Variants in C18orf32 observed in about 807,000 individuals in gnomAD.
C18orf32 encodes the protein chromosome 18 open reading frame 32.
A neutral mutation model predicts 7.4 loss-of-function variants in C18orf32; 5 were observed. The ratio of observed to expected loss-of-function variants is 0.68; its 90% confidence interval spans 0.35 to 1.42. The LOEUF (loss-of-function observed/expected upper bound fraction) is 1.42. Ranked by LOEUF, C18orf32 falls within the 40% of genes most tolerant of loss-of-function variation. The probability of loss-of-function intolerance (pLI) is 0.04; values close to 1 mark genes in which losing one functional copy is unlikely to be tolerated. For missense variants in C18orf32, 88 were observed against 92.4 expected, an observed-to-expected ratio of 0.95 and a Z score of 0.19; for synonymous variants, 30 against 29.3, an observed-to-expected ratio of 1.02 and a Z score of -0.08.
rs537342847 is a variant in C18orf32 at position 49,479,849 on chromosome 18, T to A, written c.*2496A>T. The stretch of plus-strand genomic sequence containing the variant: ...CAGCTTCCTTGGGCTGAAAGCAGGA[T>A]GAGGGGAGCAGAGACTTGGGAGGGG... On this transcript the variant is annotated 3_prime_UTR_variant, in exon 3 of 3. Coordinates refer to ENST00000318240, the MANE Select transcript of C18orf32 (RefSeq NM_001035005.4). 5 of 152,292 alleles carry A rather than the reference T, an allele frequency of 3.3e-5. No homozygotes were observed. Among genetic ancestry groups the A allele is most frequent in the Admixed American group, 3.3e-4 (5 of 15,258 alleles). 9.4% of individuals were successfully genotyped at this position (152,292 alleles called of 1,614,324 possible).
intron 1 of C18orf32, among the ~76,000 whole-genome samples, chr18:49,485,563 A>G (rs114594828): frequency 2.0e-5 from 3 of 151,866 alleles, no homozygotes; most frequent in Non-Finnish European, 4.4e-5. Flanking sequence ...TCAGAAAAAA[A>G]AAAAATAAAA....
At chr18:49,484,987 G>C (rs1197434436) in intron 1 of C18orf32, among the ~76,000 whole-genome samples, 1 of 151,466 alleles carries the variant, frequency 6.6e-6, no homozygotes, top group Non-Finnish European at 1.5e-5. Context: ...GAGGCTGAGG[G>C]GGAAGAATTG....
At chr18:49,482,530 C>T in intron 2 of C18orf32, 120 bp from the exon 3 acceptor site, 2 of 657,464 alleles carry the variant, frequency 3.0e-6, no homozygotes, top group South Asian at 1.7e-5. Context: ...AGATCGAGAC[C>T]ATCCTGGCTG....
rs540795987 is a variant in C18orf32, at chr18:49,480,330, G to A, written c.*2015C>T. ...GAGACCCTGTCTCAAAAAATAAAAT[G>A]TTTATATTTTTATATTTTTATAATT... On this transcript the variant is annotated 3_prime_UTR_variant, in exon 3 of 3. Coordinates refer to ENST00000318240, the MANE Select transcript of C18orf32 (RefSeq NM_001035005.4). 1.6e-4 allele frequency: 24 copies of A among 151,090 alleles called. No homozygotes were observed. The highest frequency in any genetic ancestry group is 5.3e-4 in the African/African-American group (22 of 41,208). 9.4% of individuals were successfully genotyped at this position (151,090 alleles called of 1,614,324 possible).
chr18:49,477,809 T>TATAC lies in C18orf32; in HGVS notation c.*4532_*4535dup, dbSNP rs2083630653. On this transcript the variant is annotated 3_prime_UTR_variant, in exon 3 of 3. Coordinates refer to ENST00000318240, the MANE Select transcript of C18orf32 (RefSeq NM_001035005.4). Reference sequence around the variant, plus strand: ...AAACAAACAAACAAAAATATATATATATACACACACTATATATATATACAC... The same window carrying TATAC: ...AAACAAACAAACAAAAATATATATATATACATACACACACTATATATATATACAC... 9.0e-6 allele frequency: 1 copy of TATAC among 111,044 alleles called. No homozygotes were observed. Among genetic ancestry groups the TATAC allele is most frequent in the African/African-American group, 4.1e-5 (1 of 24,300 alleles). The allele number at this position is 111,044 out of a possible 1,614,324, so 6.9% of individuals were successfully genotyped here. A position where few individuals can be genotyped will look rare whatever the true frequency, so the allele number is the denominator to read the frequency against.
rs1310223681 is a variant in C18orf32 at position 49,480,796 on chromosome 18, G to A, written c.*1549C>T. On this transcript the variant is annotated 3_prime_UTR_variant, in exon 3 of 3. Transcript: ENST00000318240. ...AAAAACATAAATAAATAAAAATGAT[G>A]TGCATATTTAAGAACAAATTAATTT... is the stretch of plus-strand genomic sequence containing the variant. 1 of 152,130 alleles carries A rather than the reference G, an allele frequency of 6.6e-6. No homozygotes were observed. Among genetic ancestry groups the A allele is most frequent in the Non-Finnish European group, 1.5e-5 (1 of 68,034 alleles). The allele number at this position is 152,130 out of a possible 1,614,324, so 9.4% of individuals were successfully genotyped here.
chr18:49,479,110 GAGAAAGGCC>G lies in C18orf32; in HGVS notation c.*3226_*3234del, dbSNP rs1301475182. ...CTAGAGAGGGAGACTTGTTAGAAAT[GAGAAAGGCC>G]TTAGGAGACCCGCAGCTCTCTGGAA... is the stretch of plus-strand genomic sequence containing the variant. On this transcript the variant is annotated 3_prime_UTR_variant, in exon 3 of 3. Transcript: ENST00000318240. The G allele has an allele frequency of 6.6e-6, 1 of 152,160 alleles. No homozygotes were observed. Among genetic ancestry groups the G allele is most frequent in the Admixed American group, 6.5e-5 (1 of 15,276 alleles). 9.4% of individuals were successfully genotyped at this position (152,160 alleles called of 1,614,324 possible).
At chr18:49,483,907 G>C (rs911065181) in intron 1 of C18orf32, 136 bp from the exon 2 acceptor site, 2 of 1,013,394 alleles carry the variant, frequency 2.0e-6, no homozygotes, top group African/African-American at 3.3e-5. Flanking sequence ...GAGGCAAGAG[G>C]ATAGCTTGAG....
Position 49,480,847 on chromosome 18 carries a change from A to G in C18orf32, c.*1498T>C, listed in dbSNP as rs951857904. 6 of 152,332 alleles carry G rather than the reference A, an allele frequency of 3.9e-5. No homozygotes were observed. Among genetic ancestry groups the G allele is most frequent in the African/African-American group, 1.4e-4 (6 of 41,564 alleles). The allele number at this position is 152,332 out of a possible 1,614,324, so 9.4% of individuals were successfully genotyped here. A position where few individuals can be genotyped will look rare whatever the true frequency, so the allele number is the denominator to read the frequency against. On this transcript the variant is annotated 3_prime_UTR_variant, in exon 3 of 3. Coordinates refer to ENST00000318240, the MANE Select transcript of C18orf32 (RefSeq NM_001035005.4). The stretch of plus-strand genomic sequence containing the variant: ...TCAAAAAGTTGCTAGAAGGTTACAC[A>G]CAAAATCAACTGGGGCGGACTCTGG...
Position 49,481,348 on chromosome 18 carries a change from C to T in C18orf32, c.*997G>A, listed in dbSNP as rs967770701. On this transcript the variant is annotated 3_prime_UTR_variant, in exon 3 of 3. Transcript: ENST00000318240. ...TGAATACAAAAAATATATAAGGATGCATCTCATCATCTTTGAATATTTATA... is the reference window on the plus strand; with the variant it reads ...TGAATACAAAAAATATATAAGGATGTATCTCATCATCTTTGAATATTTATA... 6.6e-6 allele frequency: 1 copy of T among 152,108 alleles called. No individual in the cohort carries two copies. The highest frequency in any genetic ancestry group is 1.5e-5 in the Non-Finnish European group (1 of 68,028). The allele number at this position is 152,108 out of a possible 1,614,324, so 9.4% of individuals were successfully genotyped here.
intron 2 of C18orf32, among the ~76,000 whole-genome samples, chr18:49,482,779 T>G (rs1342825101): frequency 6.7e-6 from 1 of 148,756 alleles, no homozygotes; most frequent in Non-Finnish European, 1.5e-5. Flanking sequence ...AAAAAGATAT[T>G]AAGAGACATT....
At position 49,482,923 on chromosome 18, in the gene C18orf32, T is replaced by C. The variant is rs1285406560; in HGVS notation, c.166-513A>G. The stretch of plus-strand genomic sequence containing the variant: ...AAGCAATTCTCCCACCTCAGCCTCC[T>C]GAGTAGCTGAGATTACAGGTGCCCA... On this transcript the variant is annotated intron_variant, in intron 2 of 2. Coordinates refer to ENST00000318240, the MANE Select transcript of C18orf32 (RefSeq NM_001035005.4). 3.3e-5 allele frequency among the ~76,000 whole-genome samples: 5 copies of C among 151,392 alleles called. No individual in the cohort carries two copies. In the East Asian group the frequency reaches 9.8e-4, roughly 30 times the overall value.
Position 49,480,880 on chromosome 18 carries a change from G to A in C18orf32, c.*1465C>T, listed in dbSNP as rs2083654689. 1 of 152,178 alleles carries A rather than the reference G, an allele frequency of 6.6e-6. No individual in the cohort carries two copies. The highest frequency in any genetic ancestry group is 2.1e-4 in the South Asian group (1 of 4,834). The allele number at this position is 152,178 out of a possible 1,614,324, so 9.4% of individuals were successfully genotyped here. On this transcript the variant is annotated 3_prime_UTR_variant, in exon 3 of 3. Transcript: ENST00000318240. Reference sequence around the variant, plus strand: ...AACTGGGGCGGACTCTGGATGCACTGCCTATGAATTAGCCTTGCTCCACAA... The same window carrying A: ...AACTGGGGCGGACTCTGGATGCACTACCTATGAATTAGCCTTGCTCCACAA...
chr18:49,480,094 G>A lies in C18orf32; in HGVS notation c.*2251C>T, dbSNP rs1241453468. Reference sequence around the variant, plus strand: ...AATCCCGACACTTTGGGAGGCTGAGGCAAGAGGATCACTTTGAGGCCAGGA... The same window carrying A: ...AATCCCGACACTTTGGGAGGCTGAGACAAGAGGATCACTTTGAGGCCAGGA... On this transcript the variant is annotated 3_prime_UTR_variant, in exon 3 of 3. Transcript: ENST00000318240. 2.0e-4 allele frequency: 31 copies of A among 152,276 alleles called. No homozygotes were observed. Among genetic ancestry groups the A allele is most frequent in the Admixed American group, 2.0e-3 (31 of 15,274 alleles). 9.4% of individuals were successfully genotyped at this position (152,276 alleles called of 1,614,324 possible).
rs958293762 is a variant in C18orf32, at chr18:49,478,896, T to C, written c.*3449A>G. 2 of 152,018 alleles carry C rather than the reference T, an allele frequency of 1.3e-5. No homozygotes were observed. Among genetic ancestry groups the C allele is most frequent in the African/African-American group, 4.8e-5 (2 of 41,258 alleles). The allele number at this position is 152,018 out of a possible 1,614,324, so 9.4% of individuals were successfully genotyped here. A position where few individuals can be genotyped will look rare whatever the true frequency, so the allele number is the denominator to read the frequency against. On this transcript the variant is annotated 3_prime_UTR_variant, in exon 3 of 3. Transcript: ENST00000318240. ...TTATTCAAACTGATGGCTATTTTTGTCCACTATTCCCATGTTCTTTTTCAC... is the reference window on the plus strand; with the variant it reads ...TTATTCAAACTGATGGCTATTTTTGCCCACTATTCCCATGTTCTTTTTCAC...
In C18orf32 at chr18:49,482,093, T is replaced by C; in HGVS notation, c.*252A>G. The stretch of plus-strand genomic sequence containing the variant: ...CTGGCACAAACCTTCTATTTAATCA[T>C]ATTATTCAAACAGCAATAACAGAAA... On this transcript the variant is annotated 3_prime_UTR_variant, in exon 3 of 3. Transcript: ENST00000318240. 2.4e-6 allele frequency: 1 copy of C among 414,402 alleles called. No homozygotes were observed. The highest frequency in any genetic ancestry group is 4.3e-6 in the Non-Finnish European group (1 of 232,940). The allele number at this position is 414,402 out of a possible 1,614,324, so 25.7% of individuals were successfully genotyped here. A position where few individuals can be genotyped will look rare whatever the true frequency, so the allele number is the denominator to read the frequency against.
chr18:49,485,278 G>T (rs1809079146), intron 1 of C18orf32, among the ~76,000 whole-genome samples: 1 of 152,252 alleles, frequency 6.6e-6, no homozygotes, highest in Non-Finnish European at 1.5e-5. Flanking sequence ...ATTGAGGCTG[G>T]GCGCGGTGGC....
At position 49,479,866 on chromosome 18, in the gene C18orf32, T is replaced by A. The variant is rs1335119123; in HGVS notation, c.*2479A>T. 6.6e-6 allele frequency: 1 copy of A among 152,384 alleles called. No homozygotes were observed. Among genetic ancestry groups the A allele is most frequent in the East Asian group, 1.9e-4 (1 of 5,198 alleles). The allele number at this position is 152,384 out of a possible 1,614,324, so 9.4% of individuals were successfully genotyped here. A position where few individuals can be genotyped will look rare whatever the true frequency, so the allele number is the denominator to read the frequency against. On this transcript the variant is annotated 3_prime_UTR_variant, in exon 3 of 3. Coordinates refer to ENST00000318240, the MANE Select transcript of C18orf32 (RefSeq NM_001035005.4). ...AAGCAGGATGAGGGGAGCAGAGACT[T>A]GGGAGGGGCAAATGAAAGACACCTG...
chr18:49,483,672 G>A lies in C18orf32; in HGVS notation c.77C>T (p.Pro26Leu), dbSNP rs758219583. ...YKKFLEPYIY[P>L]LVSPFVSRIW... ...ACGACTAACGAAGGGGGAAACCAGA[G>A]GGTATATATATGGCTCCAGGAATTT... Residue 26 changes from proline (P) to leucine (L), a missense_variant, in exon 2 of 3, where the codon CCT (proline) becomes CTT (leucine). Transcript: ENST00000318240. 1 of 1,613,892 alleles carries A rather than the reference G, an allele frequency of 6.2e-7. No individual in the cohort carries two copies. The highest frequency in any genetic ancestry group is 8.5e-7 in the Non-Finnish European group (1 of 1,179,978).
Sources: allele counts gnomAD v4.1 joint callset (sites outside exome capture counted in the v4.1 genomes callset), GRCh38; gene constraint gnomAD v4.1.1; transcripts MANE v1.5; gene names NCBI Gene and HGNC (gene_info 2026-07-23, HGNC 2026-07-21).